PPP3CC: variants seen among roughly 807,000 people sequenced by gnomAD.
PPP3CC encodes the protein serine/threonine-protein phosphatase 2B catalytic subunit gamma isoform.
In PPP3CC, 35 loss-of-function variants were observed where a neutral mutation model predicts 60.3. The ratio of observed to expected loss-of-function variants is 0.58; its 90% CI spans 0.44 to 0.77. The LOEUF (loss-of-function observed/expected upper bound fraction) is 0.77, where lower values mean the gene tolerates loss of function less well. Ranked by LOEUF, PPP3CC falls within the 30% of genes least tolerant of loss-of-function variation. The pLI, the probability that PPP3CC is intolerant of heterozygous loss-of-function variation, is 0.00. For missense variants in PPP3CC, 570 were observed against 628.9 expected (o/e 0.91, Z 1.00); for synonymous variants, 206 against 224.3 (o/e 0.92, Z 0.73).
At chr8:22,527,285 AT>A in intron 8 of PPP3CC, 106 bp from the exon 9 acceptor site, 2 of 1,293,960 alleles carry the variant, frequency 1.5e-6, no homozygotes, top group Middle Eastern at 1.9e-4. Context: ...GACTTTACAA[AT>A]GGAAAGTTCT....
At chr8:22,493,267 CT>C (rs1838462430) in intron 3 of PPP3CC, among the ~76,000 whole-genome samples, 1 of 151,774 alleles carries the variant, frequency 6.6e-6, no homozygotes, top group African/African-American at 2.4e-5. Context: ...CACTGCAGCT[CT>C]TTTCAGTTTT....
chr8:22,450,922 G>A (rs1836999778), intron 1 of PPP3CC, among the ~76,000 whole-genome samples: 1 of 150,660 alleles, frequency 6.6e-6, no homozygotes, highest in South Asian at 2.1e-4. Flanking sequence ...TGAAAGCTCC[G>A]CCTCCGGATT....
chr8:22,456,036 A>C (rs1238805842), intron 1 of PPP3CC, among the ~76,000 whole-genome samples: 1 of 152,256 alleles, frequency 6.6e-6, no homozygotes, highest in Non-Finnish European at 1.5e-5. Context: ...TTGGCAAGGC[A>C]GGTGAGTAGA....
At chr8:22,451,654 A>G (rs1335479815) in intron 1 of PPP3CC, among the ~76,000 whole-genome samples, 2 of 152,236 alleles carry the variant, frequency 1.3e-5, no homozygotes, top group African/African-American at 4.8e-5. Flanking sequence ...GTTGTGATAT[A>G]TCTTTTCCAT....
intron 1 of PPP3CC, among the ~76,000 whole-genome samples, chr8:22,457,003 CCCTCCCTCCCTCCCTTCCTCCCTT>C (rs1837215746): frequency 5.2e-5 from 3 of 58,098 alleles, no homozygotes; most frequent in Non-Finnish European, 9.5e-5. Flanking sequence ...CTCCCTCCCT[CCCTCCCTCCCTCCCTTCCTCCCTT>C]CCTCCCTTCC....
intron 1 of PPP3CC, among the ~76,000 whole-genome samples, chr8:22,464,986 T>G (rs922943498): frequency 6.6e-5 from 10 of 151,504 alleles, no homozygotes; most frequent in African/African-American, 2.4e-4. Context: ...CTTTTTTTTT[T>G]TTTTTTTGTC....
rs372407450 is a variant in PPP3CC at position 22,464,285 on chromosome 8, ATAAAG to A, written c.50-10663_50-10659del. Among the ~76,000 whole-genome samples the A allele has an allele frequency of 4.9e-4, 75 of 152,340 alleles. No individual in the cohort carries two copies. In the East Asian group the frequency reaches 0.012, roughly 23 times the overall value. On this transcript the variant is annotated intron_variant, in intron 1 of 13. Coordinates refer to ENST00000240139, the MANE Select transcript of PPP3CC (RefSeq NM_005605.5). ...TTTATAATCCTTTAAAAAATTTTTA[ATAAAG>A]TAAAGGACTAAAGCTTTGTTTTACC...
In PPP3CC at chr8:22,475,354, A is replaced by G. The variant is rs550388793; in HGVS notation, c.248-146A>G. On this transcript the variant is annotated intron_variant, in intron 2 of 13. Coordinates refer to ENST00000240139, the MANE Select transcript of PPP3CC (RefSeq NM_005605.5). ...CATATTTCCAGTAGAACTATTTAGT[A>G]TGAGTAGATTGACTACAGTTTTACA... 7.2e-5 allele frequency: 74 copies of G among 1,021,520 alleles called. No homozygotes were observed. In the African/African-American group the frequency reaches 1.1e-3, roughly 15 times the overall value. The allele number at this position is 1,021,520 out of a possible 1,614,324, so 63.3% of individuals were successfully genotyped here. A position where few individuals can be genotyped will look rare whatever the true frequency, so the allele number is the denominator to read the frequency against.
chr8:22,479,916 C>T (rs1391466668), intron 3 of PPP3CC, among the ~76,000 whole-genome samples: 1 of 152,122 alleles, frequency 6.6e-6, no homozygotes, highest in Non-Finnish European at 1.5e-5. Flanking sequence ...TTCTGGAGGG[C>T]TGACAAGTTT....
chr8:22,472,106 G>A (rs1472572432), intron 1 of PPP3CC, among the ~76,000 whole-genome samples: 1 of 151,876 alleles, frequency 6.6e-6, no homozygotes, highest in Non-Finnish European at 1.5e-5. Context: ...TCCCATCTGG[G>A]CAATAAAGCG....
chr8:22,518,440 G>A (rs1274390436), intron 6 of PPP3CC, among the ~76,000 whole-genome samples: 3 of 152,138 alleles, frequency 2.0e-5, no homozygotes, highest in Non-Finnish European at 4.4e-5. Context: ...CCATTATGGT[G>A]GGAAAAGATA....
At position 22,462,291 on chromosome 8, in the gene PPP3CC, A is replaced by T. The variant is rs146904015; in HGVS notation, c.50-12663A>T. On this transcript the variant is annotated intron_variant, in intron 1 of 13. Transcript: ENST00000240139. ...TGAGCTTAGATGGCCTGTGATGCAC[A>T]GTACATTGCGGTTTGGTTTGGTTCA... Among the ~76,000 whole-genome samples the T allele has an allele frequency of 2.0e-5, 3 of 152,274 alleles. No homozygotes were observed. In the East Asian group the frequency reaches 5.8e-4, roughly 29 times the overall value.
At chr8:22,524,422 A>C (rs2117125165) in intron 8 of PPP3CC, among the ~76,000 whole-genome samples, 1 of 152,190 alleles carries the variant, frequency 6.6e-6, no homozygotes, top group South Asian at 2.1e-4. Flanking sequence ...TCTTTAACTT[A>C]AGTTCTGTCC....
intron 1 of PPP3CC, among the ~76,000 whole-genome samples, chr8:22,468,716 C>T (rs1837622816): frequency 6.6e-6 from 1 of 152,140 alleles, no homozygotes; most frequent in African/African-American, 2.4e-5. Flanking sequence ...TTAAAATGGA[C>T]TCTGATTTAA....
chr8:22,448,207 G>A (rs1237249705), intron 1 of PPP3CC, among the ~76,000 whole-genome samples: 1 of 151,906 alleles, frequency 6.6e-6, no homozygotes, highest in Non-Finnish European at 1.5e-5. Context: ...AAAACGAAAC[G>A]AAACAAAAAG....
At chr8:22,532,433 A>C (rs373500738) in intron 11 of PPP3CC, 127 bp downstream of exon 11, 1 of 732,196 alleles carries the variant, frequency 1.4e-6, no homozygotes, top group Admixed American at 2.6e-5. Context: ...GTTGAGTGCA[A>C]ATTCAATGAA....
intron 1 of PPP3CC, among the ~76,000 whole-genome samples, chr8:22,448,717 A>G (rs1836914721): frequency 6.6e-6 from 1 of 152,112 alleles, no homozygotes; most frequent in African/African-American, 2.4e-5. Context: ...ACTATATGGT[A>G]TTATGGTTAT....
intron 1 of PPP3CC, among the ~76,000 whole-genome samples, chr8:22,471,724 T>A (rs1050752452): frequency 1.3e-5 from 2 of 151,958 alleles, no homozygotes; most frequent in Admixed American, 1.3e-4. Context: ...TCTGGGTGAG[T>A]CGGAGGTGAA....
chr8:22,444,191 G>A (rs1030283408), intron 1 of PPP3CC, among the ~76,000 whole-genome samples: 5 of 151,812 alleles, frequency 3.3e-5, no homozygotes, highest in African/African-American at 1.2e-4. Flanking sequence ...AGGAGGCAGA[G>A]GCTATAGTGA....
Sources: gnomAD v4.1 joint callset for allele counts (sites outside exome capture counted in the v4.1 genomes callset) on GRCh38, gnomAD v4.1.1 for gene constraint, MANE v1.5 for transcripts, NCBI Gene and HGNC (gene_info 2026-07-23, HGNC 2026-07-21) for gene names.